ELP2: variants seen among roughly 807,000 people sequenced by gnomAD.
ELP2 encodes the protein elongator acetyltransferase complex subunit 2.
Under a neutral mutation model 119.2 loss-of-function variants are expected in ELP2, and 90 were observed. The ratio of observed to expected loss-of-function variants is 0.75; its 90% CI spans 0.64 to 0.90. The LOEUF is 0.90. ELP2 is among the 40% of genes least tolerant of loss of function. The pLI, the probability that ELP2 is intolerant of heterozygous loss-of-function variation, is 0.00. For missense variants in ELP2, 921 were observed against 967.8 expected (o/e 0.95, Z 0.64); for synonymous variants, 339 against 331.0 (o/e 1.02, Z -0.26).
intron 14 of ELP2, 50 bp downstream of exon 14, chr18:36,158,954 C>G (rs1302565593): frequency 3.2e-6 from 4 of 1,251,812 alleles, no homozygotes; most frequent in Non-Finnish European, 4.7e-6. Context: ...TACTTAAACC[C>G]CAGTCATACA....
rs761983646 is a variant in ELP2, at chr18:36,129,975, C to T, written c.42C>T (p.Cys14=). Residue 14 remains cysteine, a synonymous_variant, in exon 1 of 22, where the codon TGC becomes TGT. Transcript: ENST00000358232. ...TGGAGACTTCTCACGTGTTTTGCTG[C>T]CCAAACCGGGTGCGGGGAGTCCTGA... The part of the protein sequence containing the change: ...PVLETSHVFC[C]PNRVRGVLNW... 1 of 1,614,216 alleles carries T rather than the reference C, an allele frequency of 6.2e-7. No homozygotes were observed.
intron 3 of ELP2, 90 bp from the exon 4 acceptor site, chr18:36,138,180 T>C (rs2089898351): frequency 7.1e-7 from 1 of 1,403,286 alleles, no homozygotes; most frequent in Non-Finnish European, 9.9e-7. Context: ...TATTTCTGGC[T>C]CAGCCATTTT....
chr18:36,156,347 G>T, intron 12 of ELP2, 119 bp from the exon 13 acceptor site: 1 of 976,102 alleles, frequency 1.0e-6, no homozygotes, highest in South Asian at 1.4e-5. Flanking sequence ...TTTATTCATG[G>T]ATGAATATTT....
intron 3 of ELP2, 39 bp from the exon 4 acceptor site, chr18:36,138,231 C>CT (rs34817357): frequency 1.3e-5 from 21 of 1,579,368 alleles, no homozygotes; most frequent in Non-Finnish European, 1.8e-5. Context: ...AAAAAAAATC[C>CT]TTTTTTTCAC....
intron 11 of ELP2, among the ~76,000 whole-genome samples, chr18:36,153,497 C>T (rs2090467388): frequency 6.6e-6 from 1 of 152,118 alleles, no homozygotes; most frequent in Admixed American, 6.5e-5. Context: ...TTCCCCGACA[C>T]CAAGCAGCAG....
Position 36,154,847 on chromosome 18 carries a change from C to T in ELP2, c.1126-3C>T. 6.2e-7 allele frequency: 1 copy of T among 1,613,980 alleles called. No individual in the cohort carries two copies. Among genetic ancestry groups the T allele is most frequent in the South Asian group, 1.1e-5 (1 of 91,072 alleles). On this transcript the variant is annotated splice_region_variant and splice_polypyrimidine_tract_variant and intron_variant, in intron 11 of 21. Coordinates refer to ENST00000358232, the MANE Select transcript of ELP2 (RefSeq NM_018255.4). ...ATATGTGATATGAGCACTTCCATTG[C>T]AGAGAGAGTGGACTCCAGAGATTGT...
intron 17 of ELP2, among the ~76,000 whole-genome samples, chr18:36,162,638 A>G (rs569783813): frequency 8.5e-5 from 13 of 152,264 alleles, no homozygotes; most frequent in South Asian, 2.1e-4. Context: ...TTTTAAGACA[A>G]TTGACATGCT....
rs1474265365 is a variant in ELP2, at chr18:36,164,582, A to G, written c.1869A>G (p.Ser623=). Residue 623 remains serine, a synonymous_variant, in exon 18 of 22, where the codon TCA becomes TCG. Coordinates refer to ENST00000358232, the MANE Select transcript of ELP2 (RefSeq NM_018255.4). ...TGACAGTCACGCAGATGGCCTTCTC[A>G]CCTAATGAGAAGTTCTTACTAGCTG... ...HSLTVTQMAF[S]PNEKFLLAVS... 1 of 1,611,882 alleles carries G rather than the reference A, an allele frequency of 6.2e-7. No homozygotes were observed. The highest frequency in any genetic ancestry group is 1.7e-5 in the Admixed American group (1 of 60,006).
At chr18:36,164,706 A>G in intron 18 of ELP2, 39 bp downstream of exon 18, 1 of 1,585,230 alleles carries the variant, frequency 6.3e-7, no homozygotes, top group Non-Finnish European at 8.7e-7. Flanking sequence ...TTAGTGAAAC[A>G]GTTATGTTCA....
At chr18:36,167,360 A>G (rs1872737527) in intron 19 of ELP2, 138 bp downstream of exon 19, 3 of 569,734 alleles carry the variant, frequency 5.3e-6, no homozygotes, top group South Asian at 2.9e-5. Flanking sequence ...TGTTTTTCGT[A>G]TATGTACATA....
At chr18:36,172,647 A>C (rs2144834133) in intron 21 of ELP2, among the ~76,000 whole-genome samples, 1 of 152,224 alleles carries the variant, frequency 6.6e-6, no homozygotes, top group East Asian at 1.9e-4. Context: ...CAGGCATTTG[A>C]AATTTTCTCT....
intron 2 of ELP2, among the ~76,000 whole-genome samples, chr18:36,133,736 ATTTT>A (rs10535065): frequency 3.4e-5 from 5 of 146,318 alleles, no homozygotes; most frequent in African/African-American, 1.3e-4. Flanking sequence ...TTATTTATTT[ATTTT>A]TTTTTTGCCA....
At chr18:36,142,175 C>T in intron 6 of ELP2, 106 bp from the exon 7 acceptor site, 1 of 889,156 alleles carries the variant, frequency 1.1e-6, no homozygotes, top group Non-Finnish European at 1.9e-6. Flanking sequence ...ATAGTGTTCT[C>T]AGTAAAAGAG....
rs199505819 is a variant in ELP2, at chr18:36,171,030, C to G, written c.2211-17C>G. 1 of 1,532,280 alleles carries G rather than the reference C, an allele frequency of 6.5e-7. No homozygotes were observed. The highest frequency in any genetic ancestry group is 1.1e-5 in the South Asian group (1 of 89,360). The allele number at this position is 1,532,280 out of a possible 1,614,324, so 94.9% of individuals were successfully genotyped here. A position where few individuals can be genotyped will look rare whatever the true frequency, so the allele number is the denominator to read the frequency against. ...CATGCTAAGTTAATCACTGTTGTCC[C>G]CCTCCCTTAAAAACAGATACGTGGT... On this transcript the variant is annotated splice_polypyrimidine_tract_variant and intron_variant, in intron 20 of 21. Transcript: ENST00000358232.
At chr18:36,160,152 G>T (rs982308479) in intron 16 of ELP2, 137 bp downstream of exon 16, 4 of 750,394 alleles carry the variant, frequency 5.3e-6, no homozygotes, top group African/African-American at 5.3e-5. Flanking sequence ...TCTCTTAGTG[G>T]CTCTTCATAA....
intron 8 of ELP2, among the ~76,000 whole-genome samples, chr18:36,144,010 T>A (rs1005167047): frequency 6.6e-6 from 1 of 152,216 alleles, no homozygotes. Context: ...GGATGGTAGA[T>A]CCTGTTGGGA....
chr18:36,130,736 T>C (rs2089584205), intron 1 of ELP2, among the ~76,000 whole-genome samples: 1 of 152,240 alleles, frequency 6.6e-6, no homozygotes, highest in South Asian at 2.1e-4. Context: ...CCATTCCCAA[T>C]GGCTAAGTTG....
At chr18:36,145,824 T>G in intron 9 of ELP2, 124 bp from the exon 10 acceptor site, 1 of 831,830 alleles carries the variant, frequency 1.2e-6, no homozygotes, top group South Asian at 1.4e-5. Flanking sequence ...TTGCAATTTT[T>G]TGCTATTACA....
At chr18:36,174,441 A>G (rs1474232949) in intron 21 of ELP2, 44 bp from the exon 22 acceptor site, 1 of 1,589,972 alleles carries the variant, frequency 6.3e-7, no homozygotes, top group South Asian at 1.1e-5. Flanking sequence ...TGTTTACACC[A>G]TTAATTGGAA....
Sources: gnomAD v4.1 joint callset for allele counts (sites outside exome capture counted in the v4.1 genomes callset) on GRCh38, gnomAD v4.1.1 for gene constraint, MANE v1.5 for transcripts, NCBI Gene and HGNC (gene_info 2026-07-23, HGNC 2026-07-21) for gene names.